Variants in CD226 observed in about 807,000 individuals in gnomAD.
The protein encoded by CD226 is CD226 antigen.
CD226 carries 24 observed loss-of-function variants against 34.9 expected under a neutral mutation model. The ratio of observed to expected loss-of-function variants is 0.69; its 90% CI spans 0.50 to 0.97. The LOEUF (loss-of-function observed/expected upper bound fraction) is 0.97. Among genes scored for constraint, CD226 ranks in the 50% least tolerant of loss-of-function variants. The pLI, the probability that CD226 is intolerant of heterozygous loss-of-function variation, is 0.00. For synonymous variants in CD226, 148 were observed against 147.4 expected (o/e 1.00, Z -0.03); for missense variants, 397 against 412.7 (o/e 0.96, Z 0.33).
chr18:69,925,914 G>A (rs144564692), intron 2 of CD226, among the ~76,000 whole-genome samples: 325 of 152,204 alleles, frequency 2.1e-3, no homozygotes, highest in African/African-American at 7.4e-3. Context: ...AGGCCGAGGC[G>A]GGCAGACCAC....
At chr18:69,867,278 A>T in intron 5 of CD226, 79 bp downstream of exon 5, 1 of 886,560 alleles carries the variant, frequency 1.1e-6, no homozygotes, top group East Asian at 2.4e-5. Context: ...ATAAAATATA[A>T]GATTGCTAAC....
chr18:69,863,661 T>G lies in CD226; in HGVS notation c.*653A>C, dbSNP rs1038456479. 6.6e-6 allele frequency: 1 copy of G among 152,256 alleles called. No individual in the cohort carries two copies. The highest frequency in any genetic ancestry group is 1.5e-5 in the Non-Finnish European group (1 of 68,070). The allele number at this position is 152,256 out of a possible 1,614,324, so 9.4% of individuals were successfully genotyped here. ...AATCACTGCAGTCAATATTTGTTGG[T>G]AAACTCTCCAGCTTTGAGACTCCCC... On this transcript the variant is annotated 3_prime_UTR_variant, in exon 6 of 6. Transcript: ENST00000582621.
intron 2 of CD226, among the ~76,000 whole-genome samples, chr18:69,923,904 A>AGATC (rs1275671148): frequency 6.6e-6 from 1 of 151,570 alleles, no homozygotes; most frequent in African/African-American, 2.4e-5. Flanking sequence ...CAGTGAGCCG[A>AGATC]GATCGCGCCA....
At chr18:69,957,350 C>CTTTTTTTT (rs11373057), upstream of CD226, among the ~76,000 whole-genome samples, 2 of 149,464 alleles carry the variant, frequency 1.3e-5, no homozygotes, top group Non-Finnish European at 3.0e-5. Context: ...TCTAGATACT[C>CTTTTTTTT]TTTTTTTTTT....
chr18:69,950,204 ACATG>A (rs2055839634), upstream of CD226, among the ~76,000 whole-genome samples: 1 of 152,112 alleles, frequency 6.6e-6, no homozygotes, highest in African/African-American at 2.4e-5. Context: ...ATGCACGCAC[ACATG>A]CATGCGTTTA....
At chr18:69,922,749 C>T (rs901477821) in intron 2 of CD226, among the ~76,000 whole-genome samples, 1 of 152,142 alleles carries the variant, frequency 6.6e-6, no homozygotes, top group Admixed American at 6.5e-5. Context: ...GGAATGGGGC[C>T]CTTCGCAGTC....
At chr18:69,931,332 T>C (rs946900100) in intron 2 of CD226, among the ~76,000 whole-genome samples, 11 of 151,568 alleles carry the variant, frequency 7.3e-5, no homozygotes, top group Admixed American at 4.6e-4. Context: ...TGTATACATA[T>C]GTAACAAACC....
intron 3 of CD226, among the ~76,000 whole-genome samples, chr18:69,895,279 T>C (rs929365036): frequency 2.0e-5 from 3 of 152,218 alleles, no homozygotes; most frequent in Non-Finnish European, 4.4e-5. Context: ...AACGCAGCCC[T>C]GCTTCAGCCA....
intron 2 of CD226, among the ~76,000 whole-genome samples, chr18:69,904,558 A>T (rs1408682402): frequency 6.6e-6 from 1 of 152,218 alleles, no homozygotes. Flanking sequence ...GTTAAAAAAA[A>T]TAACTTTCAA....
intron 2 of CD226, among the ~76,000 whole-genome samples, chr18:69,906,047 T>G (rs1276597713): frequency 6.6e-6 from 1 of 152,248 alleles, no homozygotes; most frequent in Non-Finnish European, 1.5e-5. Flanking sequence ...TCTGACCATG[T>G]CACTATTTTA....
At chr18:69,890,100 G>A (rs1363708632) in intron 3 of CD226, among the ~76,000 whole-genome samples, 1 of 151,702 alleles carries the variant, frequency 6.6e-6, no homozygotes, top group African/African-American at 2.4e-5. Context: ...GTTAAACGTT[G>A]AAGAAAAAAA....
chr18:69,869,891 C>A, intron 4 of CD226, among the ~76,000 whole-genome samples: 1 of 151,064 alleles, frequency 6.6e-6, no homozygotes, highest in Admixed American at 6.6e-5. Context: ...ACCTCCGCCT[C>A]CCGGGTTCAA....
chr18:69,899,961 A>G (rs903823795), intron 2 of CD226, among the ~76,000 whole-genome samples: 19 of 152,210 alleles, frequency 1.2e-4, no homozygotes, highest in African/African-American at 4.1e-4. Flanking sequence ...TCATCCCACT[A>G]TAAAGACACA....
intron 2 of CD226, among the ~76,000 whole-genome samples, chr18:69,903,808 C>G (rs1012353967): frequency 2.6e-5 from 4 of 152,136 alleles, no homozygotes; most frequent in Admixed American, 2.6e-4. Context: ...CCTGCTGATA[C>G]CTTCACTTTG....
chr18:69,924,433 T>C (rs1483295783), intron 2 of CD226, among the ~76,000 whole-genome samples: 1 of 151,922 alleles, frequency 6.6e-6, no homozygotes, highest in Non-Finnish European at 1.5e-5. Flanking sequence ...AGTCAAAAGT[T>C]CATTGGAAAT....
intron 2 of CD226, among the ~76,000 whole-genome samples, chr18:69,922,199 T>A (rs2055460196): frequency 6.6e-6 from 1 of 152,230 alleles, no homozygotes. Context: ...TAAAAAATAT[T>A]AATATAGGCC....
chr18:69,904,363 G>C (rs186678338), intron 2 of CD226, among the ~76,000 whole-genome samples: 5 of 152,298 alleles, frequency 3.3e-5, no homozygotes, highest in Admixed American at 3.3e-4. Context: ...TTGCAATGCA[G>C]GCCCCGGCAG....
At chr18:69,880,007 T>C (rs923632620) in intron 3 of CD226, among the ~76,000 whole-genome samples, 1 of 152,240 alleles carries the variant, frequency 6.6e-6, no homozygotes, top group African/African-American at 2.4e-5. Flanking sequence ...TATCGATCTG[T>C]GAATGTCACC....
At chr18:69,915,177 A>T (rs2055370608) in intron 2 of CD226, among the ~76,000 whole-genome samples, 1 of 152,220 alleles carries the variant, frequency 6.6e-6, no homozygotes, top group Admixed American at 6.5e-5. Flanking sequence ...ACAGAAGAGA[A>T]CATTGGATCT....
Sources: allele counts gnomAD v4.1 joint callset (sites outside exome capture counted in the v4.1 genomes callset), GRCh38; gene constraint gnomAD v4.1.1; transcripts MANE v1.5; gene names NCBI Gene and HGNC (gene_info 2026-07-23, HGNC 2026-07-21).